Variants in FARS2 observed in about 807,000 individuals in gnomAD.
FARS2 encodes phenylalanyl-tRNA synthetase 2, mitochondrial.
FARS2 carries 40 observed loss-of-function variants against 46.4 expected under a neutral mutation model. That is an observed-to-expected ratio of 0.86 (90% CI 0.67 to 1.12). The LOEUF is 1.12. Among genes scored for constraint, FARS2 ranks in the 50% most tolerant of loss-of-function variants. The probability of loss-of-function intolerance (pLI) is 0.00; values close to 1 mark genes in which losing one functional copy is unlikely to be tolerated. For missense variants in FARS2, 513 were observed against 567.9 expected, an observed-to-expected ratio of 0.90 and a Z score of 0.98; for synonymous variants, 234 against 214.9, an observed-to-expected ratio of 1.09 and a Z score of -0.78.
intron 1 of FARS2, among the ~76,000 whole-genome samples, chr6:5,261,934 A>T (rs1472549117): frequency 6.6e-6 from 1 of 152,196 alleles, no homozygotes; most frequent in Non-Finnish European, 1.5e-5. Flanking sequence ...GCTTTTTTGA[A>T]TCATCTTATT....
intron 2 of FARS2, among the ~76,000 whole-genome samples, chr6:5,399,171 TATTATC>T (rs70974200): frequency 0.11 from 10,128 of 91,582 alleles, 410 homozygotes; most frequent in East Asian, 0.25. Flanking sequence ...TTATTATTAT[TATTATC>T]ATCATCATCA....
intron 4 of FARS2, among the ~76,000 whole-genome samples, chr6:5,475,571 C>T (rs1219487280): frequency 2.0e-5 from 3 of 152,174 alleles, no homozygotes; most frequent in Admixed American, 6.5e-5. Flanking sequence ...GGTAGAATCT[C>T]GGCTCTAGCT....
intron 5 of FARS2, among the ~76,000 whole-genome samples, chr6:5,551,296 C>G (rs1771360053): frequency 6.6e-6 from 1 of 152,184 alleles, no homozygotes; most frequent in Non-Finnish European, 1.5e-5. Context: ...CGAGCCCTCA[C>G]CAGCAGGGCT....
At chr6:5,579,770 T>C (rs2150577706) in intron 5 of FARS2, among the ~76,000 whole-genome samples, 1 of 152,324 alleles carries the variant, frequency 6.6e-6, no homozygotes, top group East Asian at 1.9e-4. Flanking sequence ...ATTTCTTTTC[T>C]GAAAATAAGT....
intron 4 of FARS2, among the ~76,000 whole-genome samples, chr6:5,489,761 TTA>T (rs1367595330): frequency 1.3e-5 from 2 of 152,224 alleles, no homozygotes; most frequent in Non-Finnish European, 2.9e-5. Context: ...CTGGTTATTA[TTA>T]TAGAAAGTTT....
chr6:5,501,352 G>C (rs1271441495), intron 4 of FARS2, among the ~76,000 whole-genome samples: 1 of 152,262 alleles, frequency 6.6e-6, no homozygotes, highest in Admixed American at 6.5e-5. Context: ...ACTCTTAGCT[G>C]TGTTAATTAC....
chr6:5,637,365 G>T (rs1776594326), intron 6 of FARS2, among the ~76,000 whole-genome samples: 1 of 152,216 alleles, frequency 6.6e-6, no homozygotes, highest in Non-Finnish European at 1.5e-5. Flanking sequence ...CCATGCCAAG[G>T]CTTTTGCACG....
chr6:5,385,851 AC>A (rs1321469228), intron 2 of FARS2, among the ~76,000 whole-genome samples: 5 of 152,130 alleles, frequency 3.3e-5, no homozygotes, highest in Non-Finnish European at 7.4e-5. Flanking sequence ...CATCACAGTT[AC>A]GGCCTGTGTC....
Position 5,609,966 on chromosome 6 carries a change from C to A in FARS2, c.1066-3203C>A. The A allele has an allele frequency of 3.2e-6, 4 of 1,265,840 alleles. No individual in the cohort carries two copies. In the Admixed American group the frequency reaches 6.7e-5, roughly 21 times the overall value. The allele number at this position is 1,265,840 out of a possible 1,614,324, so 78.4% of individuals were successfully genotyped here. On this transcript the variant is annotated intron_variant, in intron 5 of 6. Coordinates refer to ENST00000274680, the MANE Select transcript of FARS2 (RefSeq NM_006567.5). ...TTGGTTCCACAACTCTTCCATCCAC[C>A]TTGTGTGGCCTTGCATTCGTGGCTG...
intron 1 of FARS2, among the ~76,000 whole-genome samples, chr6:5,345,215 A>G (rs1357368628): frequency 3.9e-5 from 6 of 151,968 alleles, no homozygotes; most frequent in Admixed American, 3.9e-4. Context: ...AAAAAACGCC[A>G]TTATAATTAT....
At chr6:5,357,054 A>G (rs80126652) in intron 1 of FARS2, among the ~76,000 whole-genome samples, 3,643 of 152,160 alleles carry the variant, frequency 0.024, 69 homozygotes, top group South Asian at 0.06. Context: ...CAATCTTGCC[A>G]CTATGTTCAG....
At chr6:5,372,694 T>C (rs914571711) in intron 2 of FARS2, among the ~76,000 whole-genome samples, 2 of 152,240 alleles carry the variant, frequency 1.3e-5, no homozygotes, top group Non-Finnish European at 2.9e-5. Flanking sequence ...TGAAAATACT[T>C]TGAACTGCTC....
chr6:5,305,192 G>T (rs568274707), intron 1 of FARS2, among the ~76,000 whole-genome samples: 6 of 152,184 alleles, frequency 3.9e-5, no homozygotes, highest in Non-Finnish European at 8.8e-5. Context: ...CTTTGTCATT[G>T]CAGTTTTCTT....
At chr6:5,734,380 A>G (rs1409239937) in intron 6 of FARS2, among the ~76,000 whole-genome samples, 1 of 152,238 alleles carries the variant, frequency 6.6e-6, no homozygotes, top group Non-Finnish European at 1.5e-5. Context: ...GGGAGAAGGA[A>G]GCAGGGCTTG....
chr6:5,578,796 G>A (rs1476937895), intron 5 of FARS2, among the ~76,000 whole-genome samples: 4 of 138,838 alleles, frequency 2.9e-5, no homozygotes, highest in Non-Finnish European at 6.1e-5. Flanking sequence ...AAGACAGAGC[G>A]GCACTCCGTC....
upstream of FARS2, chr6:5,260,519 G>A (rs990094468): frequency 4.7e-6 from 6 of 1,273,410 alleles, no homozygotes; most frequent in African/African-American, 1.5e-5. Flanking sequence ...GGCGGAGCCC[G>A]GTCCTTGCCT....
chr6:5,556,127 T>C (rs554586497), intron 5 of FARS2, among the ~76,000 whole-genome samples: 1 of 152,242 alleles, frequency 6.6e-6, no homozygotes, highest in African/African-American at 2.4e-5. Context: ...ACAGTCTATC[T>C]TCTGCTGACT....
At chr6:5,323,615 T>A (rs1028549356) in intron 1 of FARS2, among the ~76,000 whole-genome samples, 1 of 152,204 alleles carries the variant, frequency 6.6e-6, no homozygotes, top group South Asian at 2.1e-4. Context: ...CCAAGATTTC[T>A]ACCACCAACT....
At chr6:5,680,972 A>G (rs924328770) in intron 6 of FARS2, among the ~76,000 whole-genome samples, 6 of 152,260 alleles carry the variant, frequency 3.9e-5, no homozygotes, top group African/African-American at 1.4e-4. Context: ...AAAATATAAA[A>G]ACAATAATAT....
Sources: allele counts gnomAD v4.1 joint callset (sites outside exome capture counted in the v4.1 genomes callset), GRCh38; gene constraint gnomAD v4.1.1; transcripts MANE v1.5; gene names NCBI Gene and HGNC (gene_info 2026-07-23, HGNC 2026-07-21).